Variants in PPM1H observed in about 807,000 individuals in gnomAD.
PPM1H encodes the protein protein phosphatase 1H.
PPM1H carries 27 observed loss-of-function variants against 54.9 expected under a neutral mutation model. The observed-to-expected ratio is 0.49, with a 90% confidence interval of 0.36 to 0.68. The LOEUF is 0.68. Ranked by LOEUF, PPM1H falls within the 30% of genes least tolerant of loss-of-function variation. The probability of loss-of-function intolerance (pLI) is 0.00; values close to 1 mark genes in which losing one functional copy is unlikely to be tolerated. For synonymous variants in PPM1H, 305 were observed against 270.8 expected (o/e 1.13, Z -1.24); for missense variants, 596 against 667.8 (o/e 0.89, Z 1.19).
chr12:62,843,015 A>G (rs1024993355), intron 1 of PPM1H, among the ~76,000 whole-genome samples: 2 of 152,168 alleles, frequency 1.3e-5, no homozygotes, highest in East Asian at 1.9e-4. Context: ...AAAAAAAGAA[A>G]TGTTAAAAGT....
At chr12:62,669,523 A>G (rs1299709703) in intron 8 of PPM1H, among the ~76,000 whole-genome samples, 6 of 152,218 alleles carry the variant, frequency 3.9e-5, no homozygotes, top group African/African-American at 1.4e-4. Context: ...CCAGATTTGT[A>G]CACAAGGGAA....
intron 1 of PPM1H, among the ~76,000 whole-genome samples, chr12:62,842,273 G>A (rs1401536496): frequency 6.6e-6 from 1 of 152,124 alleles, no homozygotes; most frequent in African/African-American, 2.4e-5. Context: ...CTAAAGATCA[G>A]ATTTTGTTTT....
chr12:62,763,781 G>A (rs1289800657), intron 4 of PPM1H, among the ~76,000 whole-genome samples: 1 of 152,182 alleles, frequency 6.6e-6, no homozygotes, highest in Non-Finnish European at 1.5e-5. Context: ...CCAAAATCTT[G>A]AGAGGCTAGT....
intron 4 of PPM1H, among the ~76,000 whole-genome samples, chr12:62,770,702 A>G (rs2076574181): frequency 6.6e-6 from 1 of 152,162 alleles, no homozygotes. Context: ...TTATACAAAA[A>G]CTTTGACACA....
intron 1 of PPM1H, among the ~76,000 whole-genome samples, chr12:62,866,814 C>G (rs1787039089): frequency 6.6e-6 from 1 of 152,016 alleles, no homozygotes; most frequent in Non-Finnish European, 1.5e-5. Context: ...CAATAGATAA[C>G]TAGTACAGCA....
At chr12:62,922,310 G>T (rs1871824320) in intron 1 of PPM1H, among the ~76,000 whole-genome samples, 1 of 148,634 alleles carries the variant, frequency 6.7e-6, no homozygotes. Context: ...CCCTTATGTG[G>T]CATTTTGTTT....
intron 1 of PPM1H, among the ~76,000 whole-genome samples, chr12:62,834,569 G>A (rs1169207971): frequency 6.6e-6 from 1 of 152,176 alleles, no homozygotes; most frequent in Non-Finnish European, 1.5e-5. Context: ...GCAAGGTCTG[G>A]TCCAGGCCTG....
chr12:62,816,433 T>G (rs2076867066), intron 2 of PPM1H, among the ~76,000 whole-genome samples: 1 of 152,238 alleles, frequency 6.6e-6, no homozygotes, highest in Non-Finnish European at 1.5e-5. Flanking sequence ...ACAGGCACAC[T>G]ACATTTGGTT....
At chr12:62,776,708 ACT>A (rs1267527789) in intron 4 of PPM1H, among the ~76,000 whole-genome samples, 9 of 151,942 alleles carry the variant, frequency 5.9e-5, no homozygotes, top group African/African-American at 2.2e-4. Context: ...CCATTTCAAC[ACT>A]CTACCTCCCA....
chr12:62,804,683 T>TC (rs1317408324), intron 2 of PPM1H, among the ~76,000 whole-genome samples: 3 of 143,724 alleles, frequency 2.1e-5, no homozygotes, highest in Admixed American at 2.0e-4. Context: ...TTTCTTTTTT[T>TC]TTTTTTTTTT....
At chr12:62,792,654 C>T (rs983250339) in intron 3 of PPM1H, among the ~76,000 whole-genome samples, 1 of 152,178 alleles carries the variant, frequency 6.6e-6, no homozygotes, top group Non-Finnish European at 1.5e-5. Flanking sequence ...CGTTAAAACA[C>T]ACTCTTCTAT....
At chr12:62,842,380 A>T (rs1187810027) in intron 1 of PPM1H, among the ~76,000 whole-genome samples, 1 of 151,974 alleles carries the variant, frequency 6.6e-6, no homozygotes, top group African/African-American at 2.4e-5. Flanking sequence ...TTTAAACAAA[A>T]TTTTTTTTGA....
At chr12:62,767,014 T>C (rs1297088557) in intron 4 of PPM1H, among the ~76,000 whole-genome samples, 3 of 151,988 alleles carry the variant, frequency 2.0e-5, no homozygotes, top group Non-Finnish European at 4.4e-5. Context: ...GTTAGGGCTG[T>C]GGGGGAAGCA....
intron 9 of PPM1H, among the ~76,000 whole-genome samples, chr12:62,654,805 C>T (rs528145270): frequency 6.6e-6 from 1 of 152,306 alleles, no homozygotes; most frequent in South Asian, 2.1e-4. Flanking sequence ...CATAAAACCT[C>T]AGTCTTGTCA....
At chr12:62,694,618 G>A (rs561412055) in intron 6 of PPM1H, among the ~76,000 whole-genome samples, 1 of 152,274 alleles carries the variant, frequency 6.6e-6, no homozygotes, top group East Asian at 1.9e-4. Flanking sequence ...CAGCGGAGGC[G>A]GGTAAGATGA....
intron 6 of PPM1H, among the ~76,000 whole-genome samples, chr12:62,701,454 A>G (rs1156814899): frequency 6.6e-6 from 1 of 152,208 alleles, no homozygotes; most frequent in Non-Finnish European, 1.5e-5. Context: ...ACATCCCTTC[A>G]GTAAAGCTTT....
At chr12:62,692,977 A>T (rs563089560) in intron 7 of PPM1H, among the ~76,000 whole-genome samples, 1 of 142,036 alleles carries the variant, frequency 7.0e-6, no homozygotes, top group Non-Finnish European at 1.5e-5. Flanking sequence ...TGCCCATGGA[A>T]GGCATCCTTT....
chr12:62,775,785 C>T (rs2076606963), intron 4 of PPM1H, among the ~76,000 whole-genome samples: 1 of 152,250 alleles, frequency 6.6e-6, no homozygotes, highest in Admixed American at 6.5e-5. Flanking sequence ...CTACTACCCC[C>T]TCTTTCTTTG....
intron 6 of PPM1H, among the ~76,000 whole-genome samples, chr12:62,703,630 G>A (rs117672389): frequency 0.071 from 10,735 of 152,060 alleles, 471 homozygotes; most frequent in Non-Finnish European, 0.098. Context: ...CACCACCCAG[G>A]CCTGGCTGGA....
Sources: allele counts gnomAD v4.1 joint callset (sites outside exome capture counted in the v4.1 genomes callset), GRCh38; gene constraint gnomAD v4.1.1; transcripts MANE v1.5; gene names NCBI Gene and HGNC (gene_info 2026-07-23, HGNC 2026-07-21).